Variants in METAP1D observed in about 807,000 individuals in gnomAD.
METAP1D encodes the protein methionine aminopeptidase 1D, mitochondrial.
Under a neutral mutation model 40.5 loss-of-function variants are expected in METAP1D, and 31 were observed. The observed-to-expected ratio is 0.77, with a 90% CI of 0.58 to 1.03. The LOEUF is 1.03. Ranked by LOEUF, METAP1D falls within the 50% of genes least tolerant of loss-of-function variation. The probability of loss-of-function intolerance (pLI) is 0.00; values close to 1 mark genes in which losing one functional copy is unlikely to be tolerated. For missense variants in METAP1D, 411 were observed against 420.7 expected (o/e 0.98, Z 0.20); for synonymous variants, 151 against 146.4 (o/e 1.03, Z -0.22).
chr2:172,007,814 T>C (rs1486562237), intron 1 of METAP1D, among the ~76,000 whole-genome samples: 1 of 152,024 alleles, frequency 6.6e-6, no homozygotes, highest in Non-Finnish European at 1.5e-5. Flanking sequence ...CTCAGCCTCC[T>C]GTGTAGCTGA....
chr2:172,079,420 C>T (rs781596785), intron 8 of METAP1D, among the ~76,000 whole-genome samples, 158 bp downstream of exon 8: 5 of 152,194 alleles, frequency 3.3e-5, no homozygotes, highest in African/African-American at 4.8e-5. Flanking sequence ...ATCCTCAAGC[C>T]CCATCTTCCT....
At chr2:172,059,450 T>G (rs1559015591) in intron 1 of METAP1D, among the ~76,000 whole-genome samples, 1 of 152,168 alleles carries the variant, frequency 6.6e-6, no homozygotes, top group Non-Finnish European at 1.5e-5. Context: ...AAAGAGTACA[T>G]TTTTTAGGCT....
chr2:172,039,804 G>T (rs921478244), intron 1 of METAP1D, among the ~76,000 whole-genome samples: 2 of 151,638 alleles, frequency 1.3e-5, no homozygotes, highest in African/African-American at 4.9e-5. Context: ...TGAGTAGCTG[G>T]GATTACAGGC....
rs775633900 is a variant in METAP1D at position 172,063,870 on chromosome 2, C to T, written c.348+10C>T. The T allele has an allele frequency of 1.9e-6, 3 of 1,600,268 alleles. No individual in the cohort carries two copies. The highest frequency in any genetic ancestry group is 1.8e-5 in the Admixed American group (1 of 56,270). ...TGGGAAGAGTTTAAAGGTGGCGTCT[C>T]ACCAAGCCTCAGAACGACTTACATA... On this transcript the variant is annotated intron_variant, in intron 3 of 9. Coordinates refer to ENST00000315796, the MANE Select transcript of METAP1D (RefSeq NM_199227.3).
At chr2:172,034,018 G>A (rs13394990) in intron 1 of METAP1D, among the ~76,000 whole-genome samples, 15 of 149,878 alleles carry the variant, frequency 1.0e-4, no homozygotes, top group African/African-American at 3.0e-4. Context: ...CGGAGGTTGC[G>A]GCGAGTGGAG....
At chr2:172,049,570 T>C (rs1304992757) in intron 1 of METAP1D, among the ~76,000 whole-genome samples, 1 of 152,152 alleles carries the variant, frequency 6.6e-6, no homozygotes, top group Non-Finnish European at 1.5e-5. Context: ...TGAGTATTCA[T>C]ATGGTCAACC....
At chr2:172,032,622 T>G (rs1441183432) in intron 1 of METAP1D, among the ~76,000 whole-genome samples, 1 of 152,176 alleles carries the variant, frequency 6.6e-6, no homozygotes, top group Non-Finnish European at 1.5e-5. Context: ...TGCCAACAAA[T>G]TAAGAAGGTC....
intron 1 of METAP1D, among the ~76,000 whole-genome samples, chr2:172,024,903 G>A (rs973445215): frequency 6.6e-5 from 10 of 152,130 alleles, no homozygotes; most frequent in African/African-American, 1.2e-4. Flanking sequence ...GTTGATGCTT[G>A]AGCAGTAAAC....
chr2:172,068,487 G>A (rs563246708), intron 5 of METAP1D, among the ~76,000 whole-genome samples: 32 of 151,882 alleles, frequency 2.1e-4, no homozygotes, highest in Non-Finnish European at 1.5e-4. Context: ...CAAAAGTATT[G>A]TATTTCTGTA....
chr2:172,020,983 G>A lies in METAP1D; in HGVS notation c.40+20974G>A, dbSNP rs751782855. On this transcript the variant is annotated intron_variant, in intron 1 of 9. Coordinates refer to ENST00000315796, the MANE Select transcript of METAP1D (RefSeq NM_199227.3). ...AGTGGCTCAGGGAATTGCTTCCAAG[G>A]AGTCAAAAGTAAATTGTGTTTATAT... is the stretch of plus-strand genomic sequence containing the variant. 2.0e-4 allele frequency among the ~76,000 whole-genome samples: 30 copies of A among 151,790 alleles called. 1 individual carries two copies. Among genetic ancestry groups the A allele is most frequent in the Non-Finnish European group, 4.0e-4 (27 of 67,996 alleles).
At chr2:172,045,336 G>A (rs1284219401) in intron 1 of METAP1D, among the ~76,000 whole-genome samples, 2 of 132,856 alleles carry the variant, frequency 1.5e-5, no homozygotes, top group South Asian at 2.5e-4. Flanking sequence ...TGATCCCTTC[G>A]TATAAGGGAA....
rs1318898894 is a variant in METAP1D, at chr2:172,016,312, T to A, written c.40+16303T>A. Among the ~76,000 whole-genome samples the A allele has an allele frequency of 6.6e-3, 587 of 89,410 alleles. 4 individuals are homozygous for A. Among genetic ancestry groups the A allele is most frequent in the Non-Finnish European group, 9.6e-3 (412 of 43,044 alleles). The allele number at this position is 89,410 out of a possible 152,430, so 58.7% of individuals were successfully genotyped here. On this transcript the variant is annotated intron_variant, in intron 1 of 9. Coordinates refer to ENST00000315796, the MANE Select transcript of METAP1D (RefSeq NM_199227.3). Reference sequence around the variant, plus strand: ...AAAAAAAAAAAAAAATATATATATATATATATATATATATATATAAATAGT... The same window carrying A: ...AAAAAAAAAAAAAAATATATATATAAATATATATATATATATATAAATAGT...
chr2:172,036,139 A>G (rs980842340), intron 1 of METAP1D, among the ~76,000 whole-genome samples: 1 of 151,456 alleles, frequency 6.6e-6, no homozygotes, highest in Non-Finnish European at 1.5e-5. Context: ...AACACGGTGA[A>G]ACCCCGTCTC....
intron 6 of METAP1D, among the ~76,000 whole-genome samples, chr2:172,077,283 A>G (rs764064206): frequency 5.4e-4 from 82 of 152,312 alleles, no homozygotes; most frequent in Non-Finnish European, 9.6e-4. Context: ...GCCTGTTGGT[A>G]AAATGTGTAA....
intron 1 of METAP1D, among the ~76,000 whole-genome samples, chr2:172,023,197 A>T (rs545102513): frequency 6.6e-6 from 1 of 152,338 alleles, no homozygotes; most frequent in African/African-American, 2.4e-5. Context: ...TCAAAAAAAA[A>T]TTGTTTGTTT....
At chr2:172,037,399 G>T (rs560691165) in intron 1 of METAP1D, among the ~76,000 whole-genome samples, 2 of 151,676 alleles carry the variant, frequency 1.3e-5, no homozygotes, top group African/African-American at 4.8e-5. Context: ...CAACTGCTAC[G>T]CTAGAGACCA....
intron 1 of METAP1D, among the ~76,000 whole-genome samples, chr2:172,014,074 C>T (rs561520157): frequency 5.3e-5 from 8 of 151,726 alleles, no homozygotes; most frequent in African/African-American, 1.5e-4. Context: ...CTGCCTGCCT[C>T]GGCCTCTGAA....
chr2:172,078,039 G>A (rs1308640248), intron 7 of METAP1D, 145 bp downstream of exon 7: 6 of 373,274 alleles, frequency 1.6e-5, no homozygotes, highest in South Asian at 3.9e-5. Flanking sequence ...AGGGGAGGGG[G>A]GTCTGCTTAA....
At chr2:172,044,421 A>C (rs1359529743) in intron 1 of METAP1D, among the ~76,000 whole-genome samples, 2 of 126,170 alleles carry the variant, frequency 1.6e-5, no homozygotes, top group East Asian at 2.0e-4. Flanking sequence ...AAAAAAAAAA[A>C]AAAAACCCAA....
Sources: allele counts gnomAD v4.1 joint callset (sites outside exome capture counted in the v4.1 genomes callset), GRCh38; gene constraint gnomAD v4.1.1; transcripts MANE v1.5; gene names NCBI Gene and HGNC (gene_info 2026-07-23, HGNC 2026-07-21).